HS2ST1: variants seen among roughly 807,000 people sequenced by gnomAD.
The protein encoded by HS2ST1 is heparan sulfate 2-O-sulfotransferase 1.
A neutral mutation model predicts 42.9 loss-of-function variants in HS2ST1; 18 were observed. The ratio of observed to expected loss-of-function variants is 0.42; its 90% CI spans 0.29 to 0.62. The LOEUF (loss-of-function observed/expected upper bound fraction) is 0.62, where lower values mean the gene tolerates loss of function less well. Ranked by LOEUF, HS2ST1 falls within the 20% of genes least tolerant of loss-of-function variation. The pLI, the probability that HS2ST1 is intolerant of heterozygous loss-of-function variation, is 0.21. For synonymous variants in HS2ST1, 146 were observed against 152.9 expected (o/e 0.95, Z 0.33); for missense variants, 334 against 433.8 (o/e 0.77, Z 2.04).
intron 1 of HS2ST1, chr1:87,044,889 A>T: frequency 7.7e-7 from 1 of 1,292,164 alleles, no homozygotes; most frequent in Non-Finnish European, 1.1e-6. Flanking sequence ...CTGCCTAGAT[A>T]AACTAAGTAG....
intron 1 of HS2ST1, among the ~76,000 whole-genome samples, chr1:86,933,977 A>G (rs753779957): frequency 2.6e-5 from 4 of 152,106 alleles, no homozygotes; most frequent in Non-Finnish European, 2.9e-5. Context: ...ATTACACAGG[A>G]GCCCTATTGA....
At chr1:86,926,345 G>A (rs752628738) in intron 1 of HS2ST1, among the ~76,000 whole-genome samples, 6 of 152,096 alleles carry the variant, frequency 3.9e-5, no homozygotes, top group Non-Finnish European at 5.9e-5. Flanking sequence ...TGCACTGCCC[G>A]GCAAACTTCA....
intron 4 of HS2ST1, among the ~76,000 whole-genome samples, chr1:87,094,733 G>A (rs1004870058): frequency 6.6e-6 from 1 of 152,080 alleles, no homozygotes; most frequent in Admixed American, 6.5e-5. Flanking sequence ...TTTCATGTTT[G>A]AAAGTTTTAG....
intron 1 of HS2ST1, among the ~76,000 whole-genome samples, chr1:87,029,327 A>G (rs939533489): frequency 2.0e-5 from 3 of 152,168 alleles, no homozygotes; most frequent in Admixed American, 6.5e-5. Context: ...ATTTCTACAC[A>G]TGGTTTCTGT....
intron 1 of HS2ST1, among the ~76,000 whole-genome samples, chr1:86,940,744 T>C (rs1660743694): frequency 6.6e-6 from 1 of 152,114 alleles, no homozygotes; most frequent in African/African-American, 2.4e-5. Context: ...TAATCCTAGC[T>C]AGCCCTTTGG....
chr1:87,010,916 G>A (rs1488758783), intron 1 of HS2ST1, among the ~76,000 whole-genome samples: 1 of 152,006 alleles, frequency 6.6e-6, no homozygotes, highest in African/African-American at 2.4e-5. Flanking sequence ...CTCCTGAGTA[G>A]CTGGGACTAC....
chr1:86,972,011 A>T (rs1648247302), intron 1 of HS2ST1, among the ~76,000 whole-genome samples: 1 of 152,246 alleles, frequency 6.6e-6, no homozygotes, highest in African/African-American at 2.4e-5. Flanking sequence ...ATACTGATTT[A>T]CATAGAGAAG....
At chr1:87,045,615 T>C (rs181074171) in intron 1 of HS2ST1, 3 of 777,708 alleles carry the variant, frequency 3.9e-6, no homozygotes, top group Admixed American at 3.4e-5. Flanking sequence ...TGTTCTGCAG[T>C]GGTCTATTTT....
At chr1:87,070,981 G>C (rs1234149991) in intron 1 of HS2ST1, among the ~76,000 whole-genome samples, 1 of 152,084 alleles carries the variant, frequency 6.6e-6, no homozygotes, top group Admixed American at 6.6e-5. Flanking sequence ...GGATGACCCA[G>C]GCTATCCAAC....
intron 4 of HS2ST1, among the ~76,000 whole-genome samples, chr1:87,097,058 C>T (rs750201655): frequency 1.3e-5 from 2 of 152,174 alleles, no homozygotes; most frequent in Non-Finnish European, 2.9e-5. Context: ...TCTGTCTTCA[C>T]CTCCACTAGA....
chr1:87,045,678 T>TTAG, intron 1 of HS2ST1: 2 of 778,612 alleles, frequency 2.6e-6, no homozygotes, highest in Non-Finnish European at 4.7e-6. Flanking sequence ...AATCACTGCA[T>TTAG]TAGTAGTAGC....
rs1469954280 is a variant in HS2ST1 at position 86,914,950 on chromosome 1, C to A, written c.-87C>A. 1 of 1,534,206 alleles carries A rather than the reference C, an allele frequency of 6.5e-7. No homozygotes were observed. The highest frequency in any genetic ancestry group is 8.9e-7 in the Non-Finnish European group (1 of 1,128,836). ...CTCTCTCTTTGCCTCGCTCCCGGCT[C>A]GGCGGGCTCCTCCCGGCGTCTCTCT... On this transcript the variant is annotated 5_prime_UTR_variant, in exon 1 of 7. Transcript: ENST00000370550.
intron 1 of HS2ST1, among the ~76,000 whole-genome samples, chr1:87,050,608 G>GT (rs1373605019): frequency 3.3e-5 from 5 of 152,040 alleles, no homozygotes; most frequent in Admixed American, 2.0e-4. Flanking sequence ...AATATCTTCT[G>GT]TTTGTTATTG....
chr1:87,088,720 G>T (rs1281419828), intron 3 of HS2ST1, among the ~76,000 whole-genome samples: 2 of 152,050 alleles, frequency 1.3e-5, no homozygotes, highest in East Asian at 1.9e-4. Flanking sequence ...ATTTGAAATT[G>T]TTAGACTTGC....
intron 3 of HS2ST1, among the ~76,000 whole-genome samples, chr1:87,086,212 A>T (rs910829413): frequency 6.6e-6 from 1 of 152,104 alleles, no homozygotes; most frequent in South Asian, 2.1e-4. Context: ...TGTCCAGGGT[A>T]TTGGTTCTCG....
chr1:86,915,041 G>A lies in HS2ST1; in HGVS notation c.5G>A (p.Gly2Glu). The change falls in exon 1 of 7, where the codon GGG becomes GAG. Residue 2 changes from glycine (G) to glutamate (E), a missense_variant. By Grantham distance (98) the Gly-to-Glu change is moderately conservative. Coordinates refer to ENST00000370550, the MANE Select transcript of HS2ST1 (RefSeq NM_012262.4). The part of the protein sequence containing the change: M[G>E]LLRIMMPPKL... ...TGATCCCGAGCAGCGGGTTTCATGG[G>A]GCTCCTCAGGATTATGATGCCGCCC... 1 of 1,614,168 alleles carries A rather than the reference G, an allele frequency of 6.2e-7. No individual in the cohort carries two copies. Among genetic ancestry groups the A allele is most frequent in the South Asian group, 1.1e-5 (1 of 91,084 alleles).
rs372219898 is a variant in HS2ST1, at chr1:87,104,479, C to A, written c.854C>A (p.Ser285Tyr). The A allele has an allele frequency of 6.2e-7, 1 of 1,604,738 alleles. No homozygotes were observed. Among genetic ancestry groups the A allele is most frequent in the Non-Finnish European group, 8.5e-7 (1 of 1,174,018 alleles). Residue 285 changes from serine (S) to tyrosine (Y), a missense_variant, in exon 7 of 7, where the codon TCT (serine) becomes TAT (tyrosine). Ser to Tyr is a moderately radical substitution (Grantham distance 144). Transcript: ENST00000370550. ...CCCCCTTTGTAAGTAGGAAAGAAAT[C>A]TCATCTTAGGAAAACCACAGAGAAG... Reference protein sequence around the residue: ...ATELYRTGKKSHLRKTTEKKL... With the variant: ...ATELYRTGKKYHLRKTTEKKL...
At chr1:87,067,483 G>C (rs956825132) in intron 1 of HS2ST1, among the ~76,000 whole-genome samples, 1 of 151,930 alleles carries the variant, frequency 6.6e-6, no homozygotes, top group Non-Finnish European at 1.5e-5. Context: ...TTGTCAGATG[G>C]GTAGATTGCA....
At chr1:87,030,866 A>C (rs1650218120) in intron 1 of HS2ST1, among the ~76,000 whole-genome samples, 1 of 152,180 alleles carries the variant, frequency 6.6e-6, no homozygotes, top group Non-Finnish European at 1.5e-5. Context: ...GCAAAACTAT[A>C]CTGAGAGTCA....
Sources: gnomAD v4.1 joint callset for allele counts (sites outside exome capture counted in the v4.1 genomes callset) on GRCh38, gnomAD v4.1.1 for gene constraint, MANE v1.5 for transcripts, NCBI Gene and HGNC (gene_info 2026-07-23, HGNC 2026-07-21) for gene names.